Variants in PARD3B observed in about 807,000 individuals in gnomAD.
The protein encoded by PARD3B is partitioning defective 3 homolog B.
PARD3B carries 103 observed loss-of-function variants against 130.2 expected under a neutral mutation model. The observed-to-expected ratio is 0.79, with a 90% CI of 0.67 to 0.93. The LOEUF (loss-of-function observed/expected upper bound fraction) is 0.93, where lower values mean the gene tolerates loss of function less well. Among genes scored for constraint, PARD3B ranks in the 40% least tolerant of loss-of-function variants. The probability of loss-of-function intolerance (pLI) is 0.00; values close to 1 mark genes in which losing one functional copy is unlikely to be tolerated. For missense variants in PARD3B, 1,609 were observed against 1,499.2 expected, an observed-to-expected ratio of 1.07 and a Z score of -1.21; for synonymous variants, 583 against 553.2, an observed-to-expected ratio of 1.05 and a Z score of -0.76.
At chr2:204,833,744 G>A (rs2043921534) in intron 2 of PARD3B, among the ~76,000 whole-genome samples, 1 of 152,150 alleles carries the variant, frequency 6.6e-6, no homozygotes, top group African/African-American at 2.4e-5. Flanking sequence ...GTGGAACTGT[G>A]AGTCCATTAG....
intron 18 of PARD3B, among the ~76,000 whole-genome samples, chr2:205,382,477 T>TA (rs1574871079): frequency 6.6e-6 from 1 of 152,272 alleles, no homozygotes; most frequent in East Asian, 1.9e-4. Context: ...ACTATGAAGT[T>TA]ACGATTTTTC....
chr2:205,252,726 A>G (rs767047081), intron 16 of PARD3B, among the ~76,000 whole-genome samples: 13 of 152,074 alleles, frequency 8.5e-5, no homozygotes, highest in South Asian at 2.1e-4. Context: ...ACTCACACCA[A>G]ATGAAAAAGT....
intron 18 of PARD3B, among the ~76,000 whole-genome samples, chr2:205,383,903 C>T (rs1401309330): frequency 1.3e-5 from 2 of 152,054 alleles, no homozygotes; most frequent in Non-Finnish European, 1.5e-5. Context: ...TGTTTACTTC[C>T]TTCTTCTAAC....
intron 2 of PARD3B, among the ~76,000 whole-genome samples, chr2:204,937,772 G>A (rs900041414): frequency 3.3e-5 from 5 of 151,986 alleles, no homozygotes; most frequent in South Asian, 4.2e-4. Flanking sequence ...TTGCTTCTTC[G>A]TTTGCATGAT....
At chr2:205,409,949 C>G (rs534869967) in intron 19 of PARD3B, among the ~76,000 whole-genome samples, 1 of 151,998 alleles carries the variant, frequency 6.6e-6, no homozygotes, top group African/African-American at 2.4e-5. Flanking sequence ...GTAATATAAA[C>G]GTATTAAATA....
At chr2:205,374,761 C>T (rs982867284) in intron 18 of PARD3B, among the ~76,000 whole-genome samples, 1 of 152,036 alleles carries the variant, frequency 6.6e-6, no homozygotes, top group Non-Finnish European at 1.5e-5. Context: ...TTTGAAAGAA[C>T]TCTGCTTGGA....
chr2:204,947,154 G>A (rs1014318971), intron 2 of PARD3B, among the ~76,000 whole-genome samples: 8 of 152,108 alleles, frequency 5.3e-5, no homozygotes, highest in East Asian at 1.9e-4. Context: ...TCAAATTAAC[G>A]CGTAACATTA....
chr2:205,212,471 A>G (rs946422656), intron 15 of PARD3B, among the ~76,000 whole-genome samples: 1 of 152,116 alleles, frequency 6.6e-6, no homozygotes, highest in African/African-American at 2.4e-5. Flanking sequence ...TGCTTGTGAG[A>G]TTTAAAGGTG....
Position 204,890,278 on chromosome 2 carries a change from ATACT to A in PARD3B, c.223-74869_223-74866del, listed in dbSNP as rs1220902663. Reference sequence around the variant, plus strand: ...TGCATACATAGTAGGCATTTTATAAATACTTACTGAATGAATAAATAGAAGATGA... The same window carrying A: ...TGCATACATAGTAGGCATTTTATAAATACTGAATGAATAAATAGAAGATGA... On this transcript the variant is annotated intron_variant, in intron 2 of 22. Coordinates refer to ENST00000406610, the MANE Select transcript of PARD3B (RefSeq NM_001302769.2). The surrounding 1 kb of genome is among the most constrained non-coding windows in gnomAD (Gnocchi z 4.9). Among the ~76,000 whole-genome samples the A allele has an allele frequency of 2.0e-5, 3 of 152,182 alleles. No homozygotes were observed. In the East Asian group the frequency reaches 5.8e-4, roughly 29 times the overall value.
chr2:205,233,486 G>C (rs2038932244), intron 15 of PARD3B, among the ~76,000 whole-genome samples: 1 of 151,854 alleles, frequency 6.6e-6, no homozygotes, highest in Admixed American at 6.6e-5. Context: ...TTAAATATAA[G>C]GTTAATTGTT....
chr2:205,007,688 A>G (rs1326661304), intron 3 of PARD3B, among the ~76,000 whole-genome samples: 2 of 152,066 alleles, frequency 1.3e-5, no homozygotes, highest in Non-Finnish European at 2.9e-5. Flanking sequence ...TTTTGGTTCT[A>G]TGTAACTTTT....
chr2:205,209,922 C>T lies in PARD3B; in HGVS notation c.2140+16602C>T, dbSNP rs1013804648. Among the ~76,000 whole-genome samples, 11 of 151,954 alleles carry T rather than the reference C, an allele frequency of 7.2e-5. 1 individual carries two copies. Among genetic ancestry groups the T allele is most frequent in the South Asian group, 4.1e-4 (2 of 4,828 alleles). ...TAAAGGATTACTGGATTGTTTGTAA[C>T]GCAAAGGATAAATGTTTAAGGGGAT... On this transcript the variant is annotated intron_variant, in intron 15 of 22. Transcript: ENST00000406610.
chr2:204,914,478 G>A (rs2125733303), intron 2 of PARD3B, among the ~76,000 whole-genome samples: 1 of 152,298 alleles, frequency 6.6e-6, no homozygotes, highest in East Asian at 1.9e-4. Context: ...AAGAATGGAA[G>A]GAGGGAAGAA....
intron 2 of PARD3B, among the ~76,000 whole-genome samples, chr2:204,915,070 G>A (rs2047392280): frequency 6.6e-6 from 1 of 152,078 alleles, no homozygotes; most frequent in Non-Finnish European, 1.5e-5. Flanking sequence ...AAATTGTTCC[G>A]CTGTTAATCT....
chr2:205,410,939 C>T (rs967198914), intron 19 of PARD3B, among the ~76,000 whole-genome samples: 5 of 152,186 alleles, frequency 3.3e-5, no homozygotes, highest in Non-Finnish European at 7.3e-5. Context: ...CATAGAAATA[C>T]TAACCTAGGC....
intron 1 of PARD3B, among the ~76,000 whole-genome samples, chr2:204,616,242 A>G (rs1166049213): frequency 1.3e-5 from 2 of 152,228 alleles, no homozygotes; most frequent in East Asian, 3.8e-4. Flanking sequence ...CGTGTTATCT[A>G]AAATATGCAA....
intron 1 of PARD3B, among the ~76,000 whole-genome samples, chr2:204,629,336 C>T (rs1228435515): frequency 3.3e-5 from 5 of 152,192 alleles, no homozygotes; most frequent in African/African-American, 1.2e-4. Flanking sequence ...ATACCGTGCT[C>T]CTGCAGTGAT....
chr2:205,212,337 A>G (rs149064946), intron 15 of PARD3B, among the ~76,000 whole-genome samples: 17 of 152,258 alleles, frequency 1.1e-4, no homozygotes, highest in African/African-American at 3.4e-4. Context: ...CCAGGCTTCA[A>G]GAATCTTCAG....
chr2:205,558,542 G>A lies in PARD3B; in HGVS notation c.3260+5139G>A, dbSNP rs1186899142. The stretch of plus-strand genomic sequence containing the variant: ...TTTCCCACATTTCCTAAGAAAAAGT[G>A]GGCTATACCTGTTGGTTCTATTTCC... On this transcript the variant is annotated intron_variant, in intron 22 of 22. Transcript: ENST00000406610. The surrounding 1 kb of genome is among the most constrained non-coding windows in gnomAD (Gnocchi z 4.8). Among the ~76,000 whole-genome samples, 1 of 152,064 alleles carries A rather than the reference G, an allele frequency of 6.6e-6. No individual in the cohort carries two copies. Among genetic ancestry groups the A allele is most frequent in the East Asian group, 1.9e-4 (1 of 5,186 alleles).
Sources: allele counts gnomAD v4.1 joint callset (sites outside exome capture counted in the v4.1 genomes callset), GRCh38; gene constraint gnomAD v4.1.1; non-coding constraint Gnocchi (gnomAD v3.1); transcripts MANE v1.5; gene names NCBI Gene and HGNC (gene_info 2026-07-23, HGNC 2026-07-21).